The following BCL2L13 variants were observed in gnomAD, a reference collection of about 807,000 sequenced individuals.
BCL2L13 encodes the protein bcl-2-like protein 13.
In BCL2L13, 13 loss-of-function variants were observed where a neutral mutation model predicts 25.8. That is an observed-to-expected ratio of 0.50 (90% CI 0.33 to 0.80). The LOEUF (loss-of-function observed/expected upper bound fraction) is 0.80, where lower values mean the gene tolerates loss of function less well. Among genes scored for constraint, BCL2L13 ranks in the 30% least tolerant of loss-of-function variants. The pLI is 0.02. For synonymous variants in BCL2L13, 244 were observed against 230.3 expected (o/e 1.06, Z -0.54); for missense variants, 504 against 574.9 (o/e 0.88, Z 1.26).
chr22:17,663,897 G>A (rs1433469957), intron 2 of BCL2L13, among the ~76,000 whole-genome samples: 1 of 151,682 alleles, frequency 6.6e-6, no homozygotes, highest in Non-Finnish European at 1.5e-5. Flanking sequence ...TGCCCAGGCT[G>A]GAGTGCAGTG....
At chr22:17,721,051 C>T (rs192035051) in intron 6 of BCL2L13, among the ~76,000 whole-genome samples, 11 of 151,930 alleles carry the variant, frequency 7.2e-5, no homozygotes, top group African/African-American at 2.7e-4. Flanking sequence ...CCTGTAGTCC[C>T]AGCTACTCGG....
intron 4 of BCL2L13, among the ~76,000 whole-genome samples, chr22:17,692,723 A>T (rs1220671851): frequency 6.6e-6 from 1 of 152,238 alleles, no homozygotes; most frequent in Non-Finnish European, 1.5e-5. Flanking sequence ...TGCCTGTGTC[A>T]TCAGGATTCT....
At chr22:17,667,963 C>CTTTTTTTTTT (rs71201863) in intron 2 of BCL2L13, among the ~76,000 whole-genome samples, 1 of 71,692 alleles carries the variant, frequency 1.4e-5, no homozygotes, top group Non-Finnish European at 2.6e-5. Flanking sequence ...TCCAGTTTGT[C>CTTTTTTTTTT]TTTTTTTTTT....
intron 2 of BCL2L13, among the ~76,000 whole-genome samples, chr22:17,656,853 C>T (rs1239662195): frequency 1.3e-5 from 2 of 152,094 alleles, no homozygotes; most frequent in Non-Finnish European, 1.5e-5. Flanking sequence ...GAGTCTCACT[C>T]TGTTGCCCAG....
intron 4 of BCL2L13, 58 bp from the exon 5 acceptor site, chr22:17,696,083 T>C (rs2060255771): frequency 7.8e-7 from 1 of 1,278,364 alleles, no homozygotes; most frequent in Non-Finnish European, 1.1e-6. Flanking sequence ...TATGTATTCA[T>C]CTGGAAATAC....
chr22:17,725,469 C>CG (rs1569021118), intron 6 of BCL2L13, among the ~76,000 whole-genome samples: 1 of 152,190 alleles, frequency 6.6e-6, no homozygotes, highest in Non-Finnish European at 1.5e-5. Flanking sequence ...CTAGTCCCTC[C>CG]GTGAGGCTTT....
intron 6 of BCL2L13, among the ~76,000 whole-genome samples, chr22:17,706,294 G>A (rs902739081): frequency 3.3e-5 from 5 of 150,120 alleles, no homozygotes; most frequent in Non-Finnish European, 7.4e-5. Context: ...ACAGGCATGC[G>A]CCACCTTGCC....
At chr22:17,699,203 A>G (rs1396917395) in intron 5 of BCL2L13, among the ~76,000 whole-genome samples, 2 of 152,232 alleles carry the variant, frequency 1.3e-5, no homozygotes, top group African/African-American at 4.8e-5. Context: ...AGACAAACCT[A>G]ATCAATGAAT....
chr22:17,631,700 ATATATATTTTTTTTTTTTTTTTT>A (rs1568903960), intron 1 of BCL2L13, among the ~76,000 whole-genome samples: 63 of 21,184 alleles, frequency 3.0e-3, no homozygotes, highest in Non-Finnish European at 5.6e-3. Flanking sequence ...ATATATATAT[ATATATATTTTTTTTTTTTTTTTT>A]TTTTTTTTTT....
At chr22:17,677,975 G>A (rs1276606896) in intron 2 of BCL2L13, among the ~76,000 whole-genome samples, 1 of 152,190 alleles carries the variant, frequency 6.6e-6, no homozygotes, top group Non-Finnish European at 1.5e-5. Flanking sequence ...GAGCCTAAGA[G>A]GTTGAGGCTC....
intron 2 of BCL2L13, among the ~76,000 whole-genome samples, chr22:17,668,647 A>G (rs1456541601): frequency 4.6e-5 from 7 of 151,882 alleles, no homozygotes; most frequent in Non-Finnish European, 1.0e-4. Flanking sequence ...TTGTATTTTT[A>G]GTAGAGATGG....
chr22:17,680,124 G>C (rs771495866), intron 2 of BCL2L13, among the ~76,000 whole-genome samples: 4 of 150,478 alleles, frequency 2.7e-5, no homozygotes, highest in Non-Finnish European at 5.9e-5. Context: ...TGAGGCAGGA[G>C]AATTGCTTGA....
At chr22:17,650,991 CTTT>C (rs35235295) in intron 1 of BCL2L13, among the ~76,000 whole-genome samples, 3 of 105,410 alleles carry the variant, frequency 2.8e-5, no homozygotes, top group Admixed American at 1.2e-4. Flanking sequence ...CCATTCACTC[CTTT>C]TTTTTTTTTT....
chr22:17,685,840 C>T (rs2059921096), intron 3 of BCL2L13, among the ~76,000 whole-genome samples: 1 of 120,014 alleles, frequency 8.3e-6, no homozygotes, highest in African/African-American at 3.1e-5. Context: ...GGCGGGATCT[C>T]GACTCACTGC....
rs1201644569 is a variant in BCL2L13 at position 17,685,013 on chromosome 22, GCA to G, written c.229+1693_229+1694del. Among the ~76,000 whole-genome samples, 15 of 152,104 alleles carry G rather than the reference GCA, an allele frequency of 9.9e-5. 1 individual carries two copies. The highest frequency in any genetic ancestry group is 1.5e-4 in the Non-Finnish European group (10 of 68,018). On this transcript the variant is annotated intron_variant, in intron 3 of 6. Coordinates refer to ENST00000317582, the MANE Select transcript of BCL2L13 (RefSeq NM_015367.4). ...GCCTCCCAAAGTGCTGGGATTACAG[GCA>G]TGAGCCACCACGCCCGGCCTGTAAT...
Position 17,669,267 on chromosome 22 carries a change from C to T in BCL2L13, c.121+13435C>T, listed in dbSNP as rs892931538. Among the ~76,000 whole-genome samples the T allele has an allele frequency of 2.6e-5, 4 of 151,954 alleles. No homozygotes were observed. The East Asian group carries it at 7.8e-4, about 29-fold the overall frequency. On this transcript the variant is annotated intron_variant, in intron 2 of 6. Coordinates refer to ENST00000317582, the MANE Select transcript of BCL2L13 (RefSeq NM_015367.4). Reference sequence around the variant, plus strand: ...CAGGATGGTCTCAATCTCCTGACCTCGTGATCTGCCCGCCTCGGCCTCCCA... The same window carrying T: ...CAGGATGGTCTCAATCTCCTGACCTTGTGATCTGCCCGCCTCGGCCTCCCA...
chr22:17,642,374 G>A (rs1770919055), intron 1 of BCL2L13, among the ~76,000 whole-genome samples: 2 of 151,118 alleles, frequency 1.3e-5, no homozygotes, highest in Non-Finnish European at 1.5e-5. Flanking sequence ...GGCTAGGCTG[G>A]TCTCCAGCTC....
chr22:17,684,939 A>G lies in BCL2L13; in HGVS notation c.229+1618A>G, dbSNP rs140060393. On this transcript the variant is annotated intron_variant, in intron 3 of 6. Coordinates refer to ENST00000317582, the MANE Select transcript of BCL2L13 (RefSeq NM_015367.4). ...AGTAGAGACGGGGTTTCAGCGTGTT[A>G]GCCAGGATGGTCTCGTTGATCTCCT... Among the ~76,000 whole-genome samples the G allele has an allele frequency of 1.4e-3, 210 of 152,086 alleles. 1 individual carries two copies. The highest frequency in any genetic ancestry group is 1.2e-3 in the East Asian group (6 of 5,164).
At chr22:17,668,914 G>A (rs1475571338) in intron 2 of BCL2L13, among the ~76,000 whole-genome samples, 1 of 152,096 alleles carries the variant, frequency 6.6e-6, no homozygotes, top group African/African-American at 2.4e-5. Context: ...GGCTTTTAGA[G>A]GTAATTGCAT....
Sources: allele counts gnomAD v4.1 joint callset (sites outside exome capture counted in the v4.1 genomes callset), GRCh38; gene constraint gnomAD v4.1.1; transcripts MANE v1.5; gene names NCBI Gene and HGNC (gene_info 2026-07-23, HGNC 2026-07-21).